USH2A: variants seen among roughly 807,000 people sequenced by gnomAD.
USH2A encodes usherin.
USH2A carries 443 observed loss-of-function variants against 538.9 expected under a neutral mutation model. The ratio of observed to expected loss-of-function variants is 0.82; its 90% CI spans 0.76 to 0.89. The LOEUF is 0.89. USH2A is among the 40% of genes least tolerant of loss of function. USH2A has a pLI of 0.00. For missense variants in USH2A, 6,633 were observed against 6,324.8 expected, an observed-to-expected ratio of 1.05 and a Z score of -1.65; for synonymous variants, 2,413 against 2,273.5, an observed-to-expected ratio of 1.06 and a Z score of -1.75.
intron 30 of USH2A, among the ~76,000 whole-genome samples, chr1:216,049,559 T>C (rs1235330323): frequency 1.3e-5 from 2 of 152,172 alleles, no homozygotes; most frequent in Non-Finnish European, 2.9e-5. Context: ...TGACTATTTT[T>C]ATAAAAAGAT....
intron 32 of USH2A, among the ~76,000 whole-genome samples, chr1:216,033,209 C>A (rs939271728): frequency 3.3e-5 from 5 of 152,170 alleles, no homozygotes; most frequent in African/African-American, 1.2e-4. Flanking sequence ...CTCTGTGGAC[C>A]AAACTTTGTA....
intron 21 of USH2A, among the ~76,000 whole-genome samples, chr1:216,126,938 T>G (rs1477145444): frequency 6.6e-6 from 1 of 152,242 alleles, no homozygotes; most frequent in Non-Finnish European, 1.5e-5. Flanking sequence ...CTATAATGTA[T>G]GTTTGATAAA....
At chr1:216,223,895 T>G (rs1261948759) in intron 14 of USH2A, among the ~76,000 whole-genome samples, 1 of 152,228 alleles carries the variant, frequency 6.6e-6, no homozygotes, top group Non-Finnish European at 1.5e-5. Flanking sequence ...GGACCAAATC[T>G]ATAACCTAGT....
intron 32 of USH2A, among the ~76,000 whole-genome samples, chr1:216,008,725 T>C (rs1284982923): frequency 6.6e-6 from 1 of 152,198 alleles, no homozygotes; most frequent in Non-Finnish European, 1.5e-5. Context: ...TCTTACTCTC[T>C]TCTCCAACCT....
intron 21 of USH2A, among the ~76,000 whole-genome samples, chr1:216,162,205 C>T (rs1294287329): frequency 2.0e-5 from 3 of 151,810 alleles, no homozygotes; most frequent in Admixed American, 6.6e-5. Flanking sequence ...ATTTCCTTCT[C>T]GATATGCTTC....
chr1:216,408,652 C>A (rs527632422), intron 3 of USH2A, among the ~76,000 whole-genome samples: 1 of 152,162 alleles, frequency 6.6e-6, no homozygotes, highest in African/African-American at 2.4e-5. Context: ...AGAGTGTTTA[C>A]CTTTTCACTT....
chr1:215,960,451 A>G (rs1485298603), intron 37 of USH2A, among the ~76,000 whole-genome samples: 1 of 152,110 alleles, frequency 6.6e-6, no homozygotes, highest in Non-Finnish European at 1.5e-5. Context: ...GTGTGAAAAA[A>G]TACTGAAGAT....
chr1:215,687,712 C>G (rs1056797454), intron 61 of USH2A, among the ~76,000 whole-genome samples: 1 of 151,984 alleles, frequency 6.6e-6, no homozygotes, highest in African/African-American at 2.4e-5. Flanking sequence ...ACACTGTGAC[C>G]CAGCAATTTC....
chr1:215,762,866 A>G (rs1661019905), intron 56 of USH2A, among the ~76,000 whole-genome samples: 1 of 152,170 alleles, frequency 6.6e-6, no homozygotes, highest in Non-Finnish European at 1.5e-5. Context: ...AAAAGGGGAA[A>G]GGTAGAATTA....
rs1558027349 is a variant in USH2A, at chr1:215,627,424, C to CTTT, written c.15519+1389_15519+1390insAAA. On this transcript the variant is annotated intron_variant, in intron 71 of 71. Transcript: ENST00000307340. ...TCCTTCCTTCCTTCCTTCCTTCCTT[C>CTTT]CTTCCTTCCTTCCTTCCTTCCTTCC... Among the ~76,000 whole-genome samples the CTTT allele has an allele frequency of 2.0e-3, 226 of 113,044 alleles. 5 individuals are homozygous for CTTT. Among genetic ancestry groups the CTTT allele is most frequent in the African/African-American group, 7.2e-3 (196 of 27,234 alleles). The allele number at this position is 113,044 out of a possible 152,430, so 74.2% of individuals were successfully genotyped here.
intron 55 of USH2A, among the ~76,000 whole-genome samples, chr1:215,767,437 T>C (rs1049858263): frequency 2.0e-5 from 3 of 152,224 alleles, no homozygotes; most frequent in African/African-American, 7.2e-5. Flanking sequence ...ACCAACACTT[T>C]TGTTTTTAAA....
In USH2A at chr1:215,973,663, T is replaced by A. The variant is rs1249581844; in HGVS notation, c.6806-2887A>T. Among the ~76,000 whole-genome samples the A allele has an allele frequency of 2.7e-5, 4 of 150,128 alleles. No homozygotes were observed. The South Asian group carries it at 8.4e-4, about 32-fold the overall frequency. ...TTACTTCTTCTTCTTCTTCTTTTTTTTTTTTTTTTTTGTCTATCTGACTCT... is the reference window on the plus strand; with the variant it reads ...TTACTTCTTCTTCTTCTTCTTTTTTATTTTTTTTTTTGTCTATCTGACTCT... On this transcript the variant is annotated intron_variant, in intron 35 of 71. Transcript: ENST00000307340.
Position 216,175,351 on chromosome 1 carries a change from G to C in USH2A, c.4528C>G (p.Pro1510Ala). The C allele has an allele frequency of 6.2e-7, 1 of 1,613,806 alleles. No homozygotes were observed. Among genetic ancestry groups the C allele is most frequent in the Non-Finnish European group, 8.5e-7 (1 of 1,179,862 alleles). Residue 1510 changes from proline to alanine, a missense_variant, in exon 21 of 72, where the codon CCA becomes GCA. By Grantham distance (27) the Pro-to-Ala change is conservative. Coordinates refer to ENST00000307340, the MANE Select transcript of USH2A (RefSeq NM_206933.4). The part of the protein sequence containing the change: ...YQLERRESSL[P>A]ALMTTMMKGI... ...TTCATCATCGTGGTCATCAGAGCTG[G>C]TAGAGATGACTCTCTCCTTTCCAGC...
chr1:216,382,123 T>C (rs745325617), intron 3 of USH2A, among the ~76,000 whole-genome samples: 1 of 152,204 alleles, frequency 6.6e-6, no homozygotes, highest in Non-Finnish European at 1.5e-5. Context: ...TCAAACATGA[T>C]GCCGAGCCCT....
At chr1:215,983,890 A>G (rs1452379968) in intron 35 of USH2A, among the ~76,000 whole-genome samples, 1 of 152,202 alleles carries the variant, frequency 6.6e-6, no homozygotes, top group East Asian at 1.9e-4. Flanking sequence ...TTATGTTTTT[A>G]GAGGAAAGGG....
chr1:216,220,375 C>A (rs945393187), intron 14 of USH2A, among the ~76,000 whole-genome samples: 1 of 149,162 alleles, frequency 6.7e-6, no homozygotes, highest in Non-Finnish European at 1.5e-5. Context: ...TTGCCCCGGT[C>A]CTCAAGGAGC....
intron 47 of USH2A, among the ~76,000 whole-genome samples, chr1:215,828,176 T>A (rs1663208316): frequency 6.6e-6 from 1 of 152,144 alleles, no homozygotes. Flanking sequence ...TGCCGGGTGC[T>A]GTGTGGGTCA....
chr1:216,364,367 C>T (rs2038552676), intron 4 of USH2A, among the ~76,000 whole-genome samples: 1 of 152,102 alleles, frequency 6.6e-6, no homozygotes, highest in South Asian at 2.1e-4. Flanking sequence ...TACTTAAAAA[C>T]TGATCAGAAT....
Position 216,232,010 on chromosome 1 carries a change from C to G in USH2A, c.2936G>C (p.Gly979Ala), listed in dbSNP as rs2035706007. Residue 979 changes from glycine (G) to alanine (A), a missense_variant, in exon 14 of 72, where the codon GGG (glycine) becomes GCG (alanine). By Grantham distance (60) the Gly-to-Ala change is moderately conservative (BLOSUM62 0). Coordinates refer to ENST00000307340, the MANE Select transcript of USH2A (RefSeq NM_206933.4). ...GTCTTTGCATTGGTCACAACGTTGC[C>G]CAGCAATGGAAGCATCTTGGCAAAC... ...QCVCQDASIA[G>A]QRCDQCKDHY... The G allele has an allele frequency of 2.5e-6, 4 of 1,613,974 alleles. No homozygotes were observed. The highest frequency in any genetic ancestry group is 3.4e-6 in the Non-Finnish European group (4 of 1,179,930).
Sources: allele counts gnomAD v4.1 joint callset (sites outside exome capture counted in the v4.1 genomes callset), GRCh38; gene constraint gnomAD v4.1.1; transcripts MANE v1.5; gene names NCBI Gene and HGNC (gene_info 2026-07-23, HGNC 2026-07-21).